The following GLRA3 variants were observed in gnomAD, a reference collection of about 807,000 sequenced individuals.
The protein encoded by GLRA3 is glycine receptor subunit alpha-3.
A neutral mutation model predicts 60.4 loss-of-function variants in GLRA3; 44 were observed. The ratio of observed to expected loss-of-function variants is 0.73; its 90% CI spans 0.57 to 0.94. GLRA3 has a LOEUF of 0.94. Among genes scored for constraint, GLRA3 ranks in the 40% least tolerant of loss-of-function variants. The probability of loss-of-function intolerance (pLI) is 0.00; values close to 1 mark genes in which losing one functional copy is unlikely to be tolerated. For synonymous variants in GLRA3, 223 were observed against 192.9 expected (o/e 1.16, Z -1.29); for missense variants, 508 against 564.6 (o/e 0.90, Z 1.02).
chr4:174,802,153 C>G (rs1021973185), intron 1 of GLRA3, among the ~76,000 whole-genome samples: 1 of 152,008 alleles, frequency 6.6e-6, no homozygotes, highest in African/African-American at 2.4e-5. Flanking sequence ...GAAGGTCTAA[C>G]CTTTCTCATT....
At chr4:174,700,687 G>A (rs1735273889) in intron 5 of GLRA3, among the ~76,000 whole-genome samples, 1 of 152,208 alleles carries the variant, frequency 6.6e-6, no homozygotes, top group African/African-American at 2.4e-5. Flanking sequence ...AAAAGTTATT[G>A]AAGGAAATTA....
At chr4:174,706,087 G>C (rs149255509) in intron 5 of GLRA3, among the ~76,000 whole-genome samples, 49,011 of 151,670 alleles carry the variant, frequency 0.32, 8,223 homozygotes, top group East Asian at 0.57. Flanking sequence ...AAAATTAGCC[G>C]GGCGTGGTGG....
intron 5 of GLRA3, among the ~76,000 whole-genome samples, chr4:174,712,297 T>A (rs1448225882): frequency 6.6e-6 from 1 of 152,180 alleles, no homozygotes; most frequent in African/African-American, 2.4e-5. Flanking sequence ...CCATTAAGAT[T>A]TGCTTATCAT....
At chr4:174,774,609 C>A (rs1738521304) in intron 2 of GLRA3, among the ~76,000 whole-genome samples, 1 of 151,984 alleles carries the variant, frequency 6.6e-6, no homozygotes, top group Non-Finnish European at 1.5e-5. Flanking sequence ...CAGACAAATG[C>A]AAAGTGAAGT....
intron 3 of GLRA3, among the ~76,000 whole-genome samples, chr4:174,749,991 C>T (rs1464701615): frequency 6.6e-6 from 1 of 152,108 alleles, no homozygotes; most frequent in Non-Finnish European, 1.5e-5. Flanking sequence ...GCAGCTCCTC[C>T]TCCCATGTAT....
chr4:174,778,054 A>G (rs1296505941), intron 2 of GLRA3, among the ~76,000 whole-genome samples: 3 of 152,126 alleles, frequency 2.0e-5, no homozygotes, highest in African/African-American at 7.2e-5. Context: ...ATGTATATAT[A>G]TATATAAAGA....
rs768763806 is a variant in GLRA3 at position 174,643,279 on chromosome 4, G to C, written c.*507C>G. ...CAAAATTACATATGTTGTTTAAATA[G>C]TATTTATATGTACAATCCTCCATTA... On this transcript the variant is annotated 3_prime_UTR_variant, in exon 10 of 10. Coordinates refer to ENST00000274093, the MANE Select transcript of GLRA3 (RefSeq NM_006529.4). The C allele has an allele frequency of 3.1e-6, 2 of 636,922 alleles. No homozygotes were observed. Among genetic ancestry groups the C allele is most frequent in the African/African-American group, 2.2e-5 (1 of 45,994 alleles). 39.5% of individuals were successfully genotyped at this position (636,922 alleles called of 1,614,324 possible). A position where few individuals can be genotyped will look rare whatever the true frequency, so the allele number is the denominator to read the frequency against.
At chr4:174,770,396 A>G (rs927321774) in intron 2 of GLRA3, among the ~76,000 whole-genome samples, 1 of 152,060 alleles carries the variant, frequency 6.6e-6, no homozygotes, top group South Asian at 2.1e-4. Context: ...CAGACTAGAA[A>G]ATATCTGGGG....
Position 174,637,378 on chromosome 4 carries a change from A to C in GLRA3, c.*6408T>G, listed in dbSNP as rs1732519815. Reference sequence around the variant, plus strand: ...GTAGAATGTCAGGGTACTTCACTCTATTTCCCCCCCCATATTATCATTTAT... The same window carrying C: ...GTAGAATGTCAGGGTACTTCACTCTCTTTCCCCCCCCATATTATCATTTAT... On this transcript the variant is annotated 3_prime_UTR_variant, in exon 10 of 10. Transcript: ENST00000274093. The C allele has an allele frequency of 1.1e-5, 1 of 89,846 alleles. No individual in the cohort carries two copies. Among genetic ancestry groups the C allele is most frequent in the African/African-American group, 3.4e-5 (1 of 29,332 alleles). 5.6% of individuals were successfully genotyped at this position (89,846 alleles called of 1,614,324 possible).
intron 4 of GLRA3, among the ~76,000 whole-genome samples, chr4:174,726,353 C>T (rs1023833422): frequency 3.3e-5 from 5 of 152,098 alleles, no homozygotes; most frequent in Admixed American, 2.6e-4. Context: ...GTGATGGTAC[C>T]TCAATACCAC....
intron 3 of GLRA3, among the ~76,000 whole-genome samples, chr4:174,756,316 C>T (rs985093490): frequency 6.6e-6 from 1 of 152,068 alleles, no homozygotes; most frequent in Admixed American, 6.6e-5. Context: ...AATAATAGTT[C>T]AACATCCAAA....
chr4:174,692,257 C>A (rs13132815), intron 5 of GLRA3, among the ~76,000 whole-genome samples: 1 of 139,666 alleles, frequency 7.2e-6, no homozygotes. Context: ...GCCCCATCCG[C>A]GAGGGAGGTG....
chr4:174,655,214 T>A (rs1190249037), intron 9 of GLRA3, among the ~76,000 whole-genome samples: 1 of 152,150 alleles, frequency 6.6e-6, no homozygotes, highest in East Asian at 1.9e-4. Context: ...TTTCAAAATT[T>A]AGATTACTCA....
At chr4:174,692,676 C>T (rs1368047479) in intron 5 of GLRA3, among the ~76,000 whole-genome samples, 2 of 151,282 alleles carry the variant, frequency 1.3e-5, no homozygotes, top group Admixed American at 1.3e-4. Context: ...GTGCTGTGTC[C>T]ACTCAGGGTT....
At position 174,679,308 on chromosome 4, in the gene GLRA3, G is replaced by A. The variant is rs139391222; in HGVS notation, c.713-2016C>T. On this transcript the variant is annotated intron_variant, in intron 6 of 9. Transcript: ENST00000274093. ...TACATTCCAGCCTGGGTGACAGAGCGAGACTCCAACTCAAAAAAACAAAAC... is the reference window on the plus strand; with the variant it reads ...TACATTCCAGCCTGGGTGACAGAGCAAGACTCCAACTCAAAAAAACAAAAC... 6.1e-3 allele frequency among the ~76,000 whole-genome samples: 932 copies of A among 152,000 alleles called. 12 individuals carry two copies. Among genetic ancestry groups the A allele is most frequent in the African/African-American group, 0.019 (783 of 41,430 alleles).
chr4:174,827,090 T>C (rs1484332068), intron 1 of GLRA3, among the ~76,000 whole-genome samples: 2 of 152,004 alleles, frequency 1.3e-5, no homozygotes, highest in Admixed American at 6.5e-5. Flanking sequence ...TTGTATGTTG[T>C]ATGTCTTTTC....
At chr4:174,770,266 T>C (rs1738327254) in intron 2 of GLRA3, among the ~76,000 whole-genome samples, 1 of 152,158 alleles carries the variant, frequency 6.6e-6, no homozygotes, top group Admixed American at 6.6e-5. Context: ...AAACCATAGA[T>C]GCTTAATTCT....
chr4:174,645,467 C>A (rs987123307), intron 9 of GLRA3, among the ~76,000 whole-genome samples: 25 of 149,778 alleles, frequency 1.7e-4, no homozygotes, highest in African/African-American at 5.9e-4. Context: ...GTGAAAGTAG[C>A]TCCTCAATGA....
At chr4:174,825,766 T>A (rs913865979) in intron 1 of GLRA3, among the ~76,000 whole-genome samples, 1 of 152,094 alleles carries the variant, frequency 6.6e-6, no homozygotes, top group Non-Finnish European at 1.5e-5. Flanking sequence ...TTTTGTAAAT[T>A]TTTTTCTGCT....
Sources: allele counts gnomAD v4.1 joint callset (sites outside exome capture counted in the v4.1 genomes callset), GRCh38; gene constraint gnomAD v4.1.1; transcripts MANE v1.5; gene names NCBI Gene and HGNC (gene_info 2026-07-23, HGNC 2026-07-21).